PCDH15: variants seen among roughly 807,000 people sequenced by gnomAD.
The protein encoded by PCDH15 is protocadherin related 15.
PCDH15 carries 129 observed loss-of-function variants against 178.5 expected under a neutral mutation model. The ratio of observed to expected loss-of-function variants is 0.72; its 90% CI spans 0.63 to 0.84. PCDH15 has a LOEUF of 0.84. Ranked by LOEUF, PCDH15 falls within the 40% of genes least tolerant of loss-of-function variation. The pLI is 0.00. For synonymous variants in PCDH15, 800 were observed against 732.0 expected (o/e 1.09, Z -1.50); for missense variants, 2,230 against 2,099.9 (o/e 1.06, Z -1.21).
intron 2 of PCDH15, among the ~76,000 whole-genome samples, chr10:55,053,229 T>C (rs774610464): frequency 2.6e-5 from 4 of 152,178 alleles, no homozygotes; most frequent in Non-Finnish European, 5.9e-5. Context: ...GAAACTACTA[T>C]AGAAGTTCAT....
chr10:54,160,884 T>A (rs888687582), intron 13 of PCDH15, among the ~76,000 whole-genome samples: 1 of 152,132 alleles, frequency 6.6e-6, no homozygotes, highest in African/African-American at 2.4e-5. Context: ...CTTTAACAAA[T>A]GAACTGACAA....
chr10:54,152,163 C>T (rs1425413469), intron 14 of PCDH15, among the ~76,000 whole-genome samples: 1 of 152,012 alleles, frequency 6.6e-6, no homozygotes, highest in African/African-American at 2.4e-5. Context: ...ATCTCAAATA[C>T]AATAAAGATT....
At chr10:54,316,108 C>A (rs1211223240) in intron 8 of PCDH15, among the ~76,000 whole-genome samples, 4 of 151,612 alleles carry the variant, frequency 2.6e-5, no homozygotes, top group Non-Finnish European at 4.4e-5. Flanking sequence ...TGGCTGAAAA[C>A]ATATTTTTAT....
intron 10 of PCDH15, among the ~76,000 whole-genome samples, chr10:54,210,133 G>C (rs1366332259): frequency 1.3e-5 from 2 of 151,900 alleles, no homozygotes; most frequent in Non-Finnish European, 2.9e-5. Flanking sequence ...AGTAGCTTTA[G>C]TTGTGCCATA....
chr10:55,244,509 G>A (rs778672259), intron 1 of PCDH15, among the ~76,000 whole-genome samples: 8 of 151,830 alleles, frequency 5.3e-5, no homozygotes, highest in Non-Finnish European at 1.0e-4. Context: ...TCTGAAAGAA[G>A]GGCAAGAAAA....
intron 2 of PCDH15, among the ~76,000 whole-genome samples, chr10:54,535,537 C>T (rs1441148167): frequency 2.0e-5 from 3 of 151,580 alleles, no homozygotes; most frequent in Non-Finnish European, 2.9e-5. Flanking sequence ...GGTGAAACCC[C>T]ATCTCTACTA....
chr10:55,150,198 C>G (rs1040961388), intron 2 of PCDH15, among the ~76,000 whole-genome samples: 1 of 152,094 alleles, frequency 6.6e-6, no homozygotes, highest in African/African-American at 2.4e-5. Context: ...ATCGGCCAAC[C>G]TGAAAATCTG....
intron 17 of PCDH15, among the ~76,000 whole-genome samples, chr10:54,073,807 A>T (rs2094290994): frequency 6.6e-6 from 1 of 152,198 alleles, no homozygotes; most frequent in African/African-American, 2.4e-5. Context: ...AAATGAAAAA[A>T]ATTACTGATC....
Position 54,428,301 on chromosome 10 carries a change from A to C in PCDH15, c.158-49359T>G, listed in dbSNP as rs1346797108. On this transcript the variant is annotated intron_variant, in intron 3 of 37. Coordinates refer to ENST00000644397, the MANE Select transcript of PCDH15 (RefSeq NM_001384140.1). ...CAACTGCTTTGCCTCAATTTGGGAC[A>C]ACTCTGAAAGATGCCCAGTAGGACT... 2.0e-5 allele frequency among the ~76,000 whole-genome samples: 3 copies of C among 152,216 alleles called. No homozygotes were observed. The East Asian group carries it at 5.8e-4, about 29-fold the overall frequency.
rs570008530 is a variant in PCDH15 at position 55,255,638 on chromosome 10, C to T, written c.-156+63961G>A. ...TGTTGTTTCCTGACTTTTTAATGAT[C>T]GCCATTCTAACTGGTGTGAGATGGT... is the stretch of plus-strand genomic sequence containing the variant. On this transcript the variant is annotated intron_variant, in intron 1 of 5. Transcript: ENST00000458638. 2.4e-3 allele frequency among the ~76,000 whole-genome samples: 363 copies of T among 151,952 alleles called. 2 individuals carry two copies. Among genetic ancestry groups the T allele is most frequent in the African/African-American group, 7.7e-3 (319 of 41,426 alleles).
chr10:53,840,536 G>C (rs1319717180), intron 28 of PCDH15, 40 bp from the exon 29 acceptor site: 2 of 1,563,982 alleles, frequency 1.3e-6, no homozygotes, highest in African/African-American at 2.7e-5. Context: ...AGTCCAATGG[G>C]CTTTCTGGGA....
At chr10:55,238,822 A>G (rs1841464321) in intron 1 of PCDH15, among the ~76,000 whole-genome samples, 1 of 152,138 alleles carries the variant, frequency 6.6e-6, no homozygotes, top group African/African-American at 2.4e-5. Flanking sequence ...AATTAAGGTA[A>G]CTGGGGTATC....
rs187127597 is a variant in PCDH15 at position 54,036,232 on chromosome 10, G to A, written c.2221-13035C>T. The stretch of plus-strand genomic sequence containing the variant: ...TAAGATATTTGTAGAGGGTGGCTAC[G>A]CTAAAAAAACAGATTTCCAATGTAG... On this transcript the variant is annotated intron_variant, in intron 18 of 37. Transcript: ENST00000644397. Among the ~76,000 whole-genome samples the A allele has an allele frequency of 6.8e-3, 1,029 of 152,016 alleles. 10 individuals are homozygous for A. The highest frequency in any genetic ancestry group is 0.023 in the African/African-American group (968 of 41,510).
intron 37 of PCDH15, chr10:53,808,739 T>G (rs1391745653): frequency 6.2e-7 from 1 of 1,613,138 alleles, no homozygotes. Flanking sequence ...GGCGACTTCT[T>G]TTGGTTTGCA....
At chr10:54,275,464 G>T (rs902774979) in intron 8 of PCDH15, among the ~76,000 whole-genome samples, 23 of 151,754 alleles carry the variant, frequency 1.5e-4, no homozygotes, top group Non-Finnish European at 4.4e-5. Context: ...AGTATTTCTT[G>T]TGCCCCTGAT....
intron 2 of PCDH15, among the ~76,000 whole-genome samples, chr10:55,024,122 A>AATAT (rs373895204): frequency 3.8e-4 from 54 of 141,282 alleles, no homozygotes; most frequent in African/African-American, 1.2e-3. Context: ...TATAGGAAGG[A>AATAT]ATATATATAT....
intron 17 of PCDH15, 37 bp downstream of exon 17, chr10:54,079,294 A>G (rs1400061655): frequency 5.1e-6 from 8 of 1,574,478 alleles, no homozygotes; most frequent in Non-Finnish European, 7.0e-6. Flanking sequence ...TTGCCTTAAT[A>G]CTATTTTTAA....
chr10:55,229,019 A>G lies in PCDH15; in HGVS notation c.-155-62368T>C, dbSNP rs903762625. Among the ~76,000 whole-genome samples, 13 of 152,092 alleles carry G rather than the reference A, an allele frequency of 8.5e-5. No homozygotes were observed. In the South Asian group the frequency reaches 2.5e-3, roughly 29 times the overall value. ...TAAAGGCCCAAATGGGAATTAAGCA[A>G]TATCATATTTTTCCTCAAGTATAGG... is the stretch of plus-strand genomic sequence containing the variant. On this transcript the variant is annotated intron_variant, in intron 1 of 5. Transcript: ENST00000458638.
intron 3 of PCDH15, among the ~76,000 whole-genome samples, chr10:54,817,360 T>A (rs192800833): frequency 3.5e-4 from 53 of 152,114 alleles, no homozygotes; most frequent in African/African-American, 1.3e-3. Context: ...GTTGAATTAT[T>A]CTAAGTTAAT....
Sources: gnomAD v4.1 joint callset for allele counts (sites outside exome capture counted in the v4.1 genomes callset) on GRCh38, gnomAD v4.1.1 for gene constraint, MANE v1.5 for transcripts, NCBI Gene and HGNC (gene_info 2026-07-23, HGNC 2026-07-21) for gene names.